The following SLC12A8 variants were observed in gnomAD, a reference collection of about 807,000 sequenced individuals.
The protein encoded by SLC12A8 is cation-chloride cotransporter 9.
Under a neutral mutation model 75.6 loss-of-function variants are expected in SLC12A8, and 69 were observed. The ratio of observed to expected loss-of-function variants is 0.91; its 90% CI spans 0.75 to 1.11. The LOEUF (loss-of-function observed/expected upper bound fraction) is 1.11. Among genes scored for constraint, SLC12A8 ranks in the 50% most tolerant of loss-of-function variants. The probability of loss-of-function intolerance (pLI) is 0.00; values close to 1 mark genes in which losing one functional copy is unlikely to be tolerated. For synonymous variants in SLC12A8, 365 were observed against 372.8 expected, an observed-to-expected ratio of 0.98 and a Z score of 0.24; for missense variants, 877 against 896.7, an observed-to-expected ratio of 0.98 and a Z score of 0.28.
intron 3 of SLC12A8, among the ~76,000 whole-genome samples, chr3:125,190,125 C>T (rs1934879426): frequency 6.6e-6 from 1 of 152,174 alleles, no homozygotes; most frequent in Non-Finnish European, 1.5e-5. Context: ...CATGATGAGC[C>T]CTGACTTCTG....
chr3:125,185,305 A>T (rs1934750813), intron 4 of SLC12A8, among the ~76,000 whole-genome samples: 1 of 152,080 alleles, frequency 6.6e-6, no homozygotes, highest in South Asian at 2.1e-4. Flanking sequence ...GGGAAACAAG[A>T]GCAAAACGGC....
intron 5 of SLC12A8, among the ~76,000 whole-genome samples, chr3:125,157,982 T>C (rs2107775927): frequency 6.6e-6 from 1 of 152,164 alleles, no homozygotes; most frequent in East Asian, 1.9e-4. Flanking sequence ...GAGGGAGATC[T>C]AGGTGGGGAG....
intron 10 of SLC12A8, among the ~76,000 whole-genome samples, chr3:125,104,015 A>G (rs1369608414): frequency 6.6e-6 from 1 of 152,124 alleles, no homozygotes; most frequent in East Asian, 1.9e-4. Context: ...AAAAAAAAAA[A>G]AAAGAGAGAG....
chr3:125,129,850 C>T lies in SLC12A8; in HGVS notation c.736+5819G>A, dbSNP rs137876360. 1.5e-3 allele frequency among the ~76,000 whole-genome samples: 223 copies of T among 152,308 alleles called. 1 individual carries two copies. Among genetic ancestry groups the T allele is most frequent in the African/African-American group, 5.1e-3 (212 of 41,558 alleles). ...CCATTCGTCCTGCCTATTGTGTTTA[C>T]AATTGGGGCCCTGAAAAACAGAGAC... On this transcript the variant is annotated intron_variant, in intron 6 of 13. Coordinates refer to ENST00000469902, the MANE Select transcript of SLC12A8 (RefSeq NM_024628.6).
chr3:125,095,992 C>T (rs1381056273), intron 10 of SLC12A8, among the ~76,000 whole-genome samples: 1 of 152,226 alleles, frequency 6.6e-6, no homozygotes, highest in African/African-American at 2.4e-5. Flanking sequence ...TTCCATCACA[C>T]TCACAATGGC....
intron 2 of SLC12A8, among the ~76,000 whole-genome samples, chr3:125,204,367 G>A (rs1935186094): frequency 6.6e-6 from 1 of 152,140 alleles, no homozygotes; most frequent in Non-Finnish European, 1.5e-5. Context: ...AGAAAATGTG[G>A]TAAATGTATA....
intron 4 of SLC12A8, among the ~76,000 whole-genome samples, chr3:125,183,077 C>A (rs983820207): frequency 6.6e-6 from 1 of 152,106 alleles, no homozygotes; most frequent in Non-Finnish European, 1.5e-5. Flanking sequence ...TATATCATCA[C>A]CCTGTCTGCC....
At chr3:125,105,549 T>C (rs55739805) in intron 10 of SLC12A8, among the ~76,000 whole-genome samples, 138 of 152,262 alleles carry the variant, frequency 9.1e-4, no homozygotes, top group Non-Finnish European at 1.6e-3. Context: ...CCAAGGCAAT[T>C]ATTAATTCCA....
At chr3:125,196,008 G>A (rs1935003495) in intron 2 of SLC12A8, among the ~76,000 whole-genome samples, 1 of 152,192 alleles carries the variant, frequency 6.6e-6, no homozygotes, top group Admixed American at 6.5e-5. Flanking sequence ...GCGAACCAGT[G>A]AAACATCAGC....
chr3:125,139,101 C>T (rs985460640), intron 5 of SLC12A8, among the ~76,000 whole-genome samples: 2 of 152,188 alleles, frequency 1.3e-5, no homozygotes, highest in Non-Finnish European at 2.9e-5. Flanking sequence ...CCCACTTTCT[C>T]GTCAGCTTTT....
At chr3:125,149,227 T>A (rs1326339741) in intron 5 of SLC12A8, among the ~76,000 whole-genome samples, 1 of 152,238 alleles carries the variant, frequency 6.6e-6, no homozygotes, top group Non-Finnish European at 1.5e-5. Context: ...TCGCTCGCAC[T>A]TCCTTCTGCA....
chr3:125,134,600 C>G (rs1208807920), intron 6 of SLC12A8, among the ~76,000 whole-genome samples: 1 of 152,198 alleles, frequency 6.6e-6, no homozygotes, highest in Non-Finnish European at 1.5e-5. Flanking sequence ...GATAACTAGG[C>G]ATGGAATAGC....
intron 5 of SLC12A8, among the ~76,000 whole-genome samples, chr3:125,167,544 C>T (rs962771107): frequency 5.9e-5 from 9 of 152,130 alleles, no homozygotes; most frequent in East Asian, 1.9e-4. Context: ...AGGATCTCCA[C>T]GGGCCTTGGG....
chr3:125,098,550 T>C (rs1015180118), intron 10 of SLC12A8, among the ~76,000 whole-genome samples: 1 of 112,106 alleles, frequency 8.9e-6, no homozygotes, highest in Non-Finnish European at 1.8e-5. Flanking sequence ...TCAGTGAATC[T>C]TCTCCACACA....
intron 5 of SLC12A8, among the ~76,000 whole-genome samples, chr3:125,155,594 AC>A (rs1406997201): frequency 1.4e-5 from 2 of 147,092 alleles, no homozygotes; most frequent in Non-Finnish European, 3.0e-5. Context: ...ACACGGTGAA[AC>A]CCTGTCTCTA....
intron 5 of SLC12A8, among the ~76,000 whole-genome samples, chr3:125,152,977 C>T (rs995377922): frequency 3.9e-5 from 6 of 152,134 alleles, no homozygotes; most frequent in African/African-American, 1.4e-4. Context: ...GAAAGGGAGG[C>T]GGAACAGGTG....
chr3:125,128,759 G>C (rs1319905192), intron 6 of SLC12A8, among the ~76,000 whole-genome samples: 7 of 152,136 alleles, frequency 4.6e-5, no homozygotes, highest in Admixed American at 2.6e-4. Context: ...CTTAAACATG[G>C]GAACCCCATT....
At chr3:125,212,033 G>A (rs1163885401) in intron 1 of SLC12A8, among the ~76,000 whole-genome samples, 1 of 152,076 alleles carries the variant, frequency 6.6e-6, no homozygotes, top group Non-Finnish European at 1.5e-5. Flanking sequence ...TGATCTGTGT[G>A]GCGCCTCTCC....
rs774270783 is a variant in SLC12A8 at position 125,110,232 on chromosome 3, G to A, written c.1016C>T (p.Ala339Val). The change falls in exon 9 of 14, where the codon GCC becomes GTC. Residue 339 changes from alanine to valine, a missense_variant. Coordinates refer to ENST00000469902, the MANE Select transcript of SLC12A8 (RefSeq NM_024628.6). ...AAGTGCAGGGATCACTTTCTCCTGG[G>A]CAATGCACTGCAGGATGCGGGGAGC... ...YGAPRILQCI[A>V]QEKVIPALAC... 1.2e-6 allele frequency: 2 copies of A among 1,613,962 alleles called. No individual in the cohort carries two copies. The highest frequency in any genetic ancestry group is 1.1e-5 in the South Asian group (1 of 91,072).
Sources: allele counts gnomAD v4.1 joint callset (sites outside exome capture counted in the v4.1 genomes callset), GRCh38; gene constraint gnomAD v4.1.1; transcripts MANE v1.5; gene names NCBI Gene and HGNC (gene_info 2026-07-23, HGNC 2026-07-21).